MAD1L1: variants seen among roughly 807,000 people sequenced by gnomAD.
The protein encoded by MAD1L1 is mitotic spindle assembly checkpoint protein MAD1.
Under a neutral mutation model 96.9 loss-of-function variants are expected in MAD1L1, and 95 were observed. The ratio of observed to expected loss-of-function variants is 0.98; its 90% CI spans 0.83 to 1.16. The LOEUF (loss-of-function observed/expected upper bound fraction) is 1.16. Ranked by LOEUF, MAD1L1 falls within the 50% of genes most tolerant of loss-of-function variation. The pLI is 0.00. For missense variants in MAD1L1, 1,007 were observed against 954.4 expected (o/e 1.06, Z -0.73); for synonymous variants, 473 against 396.6 (o/e 1.19, Z -2.29).
At chr7:1,862,655 G>A (rs1373333437) in intron 18 of MAD1L1, among the ~76,000 whole-genome samples, 2 of 152,256 alleles carry the variant, frequency 1.3e-5, no homozygotes, top group Non-Finnish European at 2.9e-5. Context: ...TGCCATCTAG[G>A]TAACGGTCTG....
intron 11 of MAD1L1, among the ~76,000 whole-genome samples, chr7:2,093,906 G>C (rs958256813): frequency 6.6e-6 from 1 of 152,190 alleles, no homozygotes; most frequent in Non-Finnish European, 1.5e-5. Context: ...ATGTCAGGTC[G>C]GCAGTCGGAA....
chr7:2,030,629 TG>T (rs1165134471), intron 12 of MAD1L1, among the ~76,000 whole-genome samples: 6 of 151,944 alleles, frequency 3.9e-5, no homozygotes, highest in African/African-American at 7.3e-5. Flanking sequence ...TTGACGAAAA[TG>T]CCTCCAAAAC....
chr7:1,946,703 C>A (rs1182152962), intron 16 of MAD1L1, among the ~76,000 whole-genome samples: 1 of 152,236 alleles, frequency 6.6e-6, no homozygotes, highest in Non-Finnish European at 1.5e-5. Context: ...GGTCCCCGGC[C>A]ACTTGCAGGC....
chr7:1,942,520 G>A (rs1779048974), intron 16 of MAD1L1, among the ~76,000 whole-genome samples: 1 of 152,212 alleles, frequency 6.6e-6, no homozygotes, highest in Non-Finnish European at 1.5e-5. Flanking sequence ...CAGGGCAGCC[G>A]AGTGTCGGGA....
chr7:1,820,216 TAAAA>T (rs550316624), intron 18 of MAD1L1, among the ~76,000 whole-genome samples: 1 of 151,622 alleles, frequency 6.6e-6, no homozygotes, highest in African/African-American at 2.4e-5. Context: ...TCGAAGGAAA[TAAAA>T]AAGAGAACAG....
chr7:1,863,342 G>C (rs1784621426), intron 18 of MAD1L1, among the ~76,000 whole-genome samples: 1 of 152,258 alleles, frequency 6.6e-6, no homozygotes, highest in African/African-American at 2.4e-5. Context: ...CCTGTTAACA[G>C]TCTGGCTGCA....
At chr7:1,898,657 C>T (rs182731425) in intron 17 of MAD1L1, among the ~76,000 whole-genome samples, 122 of 152,298 alleles carry the variant, frequency 8.0e-4, no homozygotes, top group Middle Eastern at 3.4e-3. Flanking sequence ...AGCCAGACTA[C>T]AAGCAGCCAG....
At chr7:1,891,497 G>C (rs1487614479) in intron 18 of MAD1L1, among the ~76,000 whole-genome samples, 1 of 152,006 alleles carries the variant, frequency 6.6e-6, no homozygotes, top group Non-Finnish European at 1.5e-5. Context: ...CTGCACTCCA[G>C]CCTGGTGACA....
chr7:2,214,561 G>A (rs1219300655), intron 9 of MAD1L1, among the ~76,000 whole-genome samples: 1 of 152,092 alleles, frequency 6.6e-6, no homozygotes, highest in Admixed American at 6.5e-5. Flanking sequence ...CTCCTGCCAG[G>A]CCCCACAACC....
intron 18 of MAD1L1, among the ~76,000 whole-genome samples, chr7:1,821,029 C>T (rs766854258): frequency 4.4e-5 from 6 of 136,740 alleles, no homozygotes; most frequent in African/African-American, 1.7e-4. Flanking sequence ...TGCAGTGAGC[C>T]GAGATCGTGC....
At chr7:2,192,657 A>C (rs1357441329) in intron 10 of MAD1L1, among the ~76,000 whole-genome samples, 1 of 152,216 alleles carries the variant, frequency 6.6e-6, no homozygotes, top group East Asian at 1.9e-4. Context: ...AAAAAATTCT[A>C]AGGAAGGGCG....
intron 18 of MAD1L1, among the ~76,000 whole-genome samples, chr7:1,864,871 G>T (rs929107994): frequency 6.6e-6 from 1 of 152,172 alleles, no homozygotes; most frequent in Non-Finnish European, 1.5e-5. Context: ...GAGTGGATGC[G>T]GCCTGAGGAC....
intron 17 of MAD1L1, among the ~76,000 whole-genome samples, chr7:1,927,121 A>C (rs1789132307): frequency 6.6e-6 from 1 of 152,028 alleles, no homozygotes; most frequent in Admixed American, 6.5e-5. Flanking sequence ...CCTACAAATA[A>C]TTACATAGCT....
intron 11 of MAD1L1, 71 bp downstream of exon 11, chr7:2,149,081 C>T: frequency 7.3e-7 from 1 of 1,375,760 alleles, no homozygotes; most frequent in Non-Finnish European, 1.0e-6. Context: ...CCAGGGGGCA[C>T]ACACTCTCAC....
intron 17 of MAD1L1, among the ~76,000 whole-genome samples, chr7:1,899,750 G>C (rs1787126109): frequency 6.6e-6 from 1 of 152,172 alleles, no homozygotes; most frequent in East Asian, 1.9e-4. Context: ...GTGAGTGAGA[G>C]AGGGGCTGCC....
intron 18 of MAD1L1, among the ~76,000 whole-genome samples, chr7:1,822,442 A>ATTTTT (rs751430006): frequency 7.1e-6 from 1 of 140,582 alleles, no homozygotes; most frequent in African/African-American, 2.6e-5. Flanking sequence ...ATATATATAT[A>ATTTTT]TTTTTTTTTT....
At chr7:1,888,390 G>GTGTGCATGCGTGTGGCTGCC (rs1554284508) in intron 18 of MAD1L1, among the ~76,000 whole-genome samples, 1 of 148,422 alleles carries the variant, frequency 6.7e-6, no homozygotes, top group Non-Finnish European at 1.5e-5. Context: ...CTATGCGTGT[G>GTGTGCATGCGTGTGGCTGCC]TGTGCATGCG....
intron 10 of MAD1L1, among the ~76,000 whole-genome samples, chr7:2,167,893 C>G (rs1387310905): frequency 6.6e-6 from 1 of 151,954 alleles, no homozygotes; most frequent in Admixed American, 6.6e-5. Context: ...TTTTAAGAAG[C>G]AAAATAACCA....
chr7:1,982,102 T>C (rs1780933402), intron 14 of MAD1L1, among the ~76,000 whole-genome samples: 1 of 152,166 alleles, frequency 6.6e-6, no homozygotes, highest in Non-Finnish European at 1.5e-5. Context: ...CATGTCTATG[T>C]TCTTCCTCCC....
Sources: gnomAD v4.1 joint callset for allele counts (sites outside exome capture counted in the v4.1 genomes callset) on GRCh38, gnomAD v4.1.1 for gene constraint, MANE v1.5 for transcripts, NCBI Gene and HGNC (gene_info 2026-07-23, HGNC 2026-07-21) for gene names.